The following SCAPER variants were observed in gnomAD, a reference collection of about 807,000 sequenced individuals.
SCAPER encodes S-phase cyclin A associated protein in the ER.
A neutral mutation model predicts 182.2 loss-of-function variants in SCAPER; 98 were observed. The observed-to-expected ratio is 0.54, with a 90% CI of 0.46 to 0.64. The LOEUF is 0.64. Among genes scored for constraint, SCAPER ranks in the 30% least tolerant of loss-of-function variants. The pLI is 0.00. For synonymous variants in SCAPER, 605 were observed against 564.6 expected (o/e 1.07, Z -1.01); for missense variants, 1,432 against 1,690.0 (o/e 0.85, Z 2.68).
At chr15:76,508,025 T>C (rs1333563280) in intron 23 of SCAPER, among the ~76,000 whole-genome samples, 1 of 152,162 alleles carries the variant, frequency 6.6e-6, no homozygotes, top group Non-Finnish European at 1.5e-5. Context: ...AACTCCAAAA[T>C]TAAAATACAA....
chr15:76,453,128 C>T (rs2048492774), intron 25 of SCAPER, among the ~76,000 whole-genome samples: 1 of 152,166 alleles, frequency 6.6e-6, no homozygotes, highest in South Asian at 2.1e-4. Context: ...GCTACTGAAC[C>T]CAGCTAAGAG....
At chr15:76,566,449 T>C (rs1055956903) in intron 23 of SCAPER, among the ~76,000 whole-genome samples, 10 of 152,236 alleles carry the variant, frequency 6.6e-5, no homozygotes, top group Middle Eastern at 3.4e-3. Context: ...GGAAAGGCAA[T>C]TGGACAAACT....
chr15:76,774,985 T>C lies in SCAPER; in HGVS notation c.905A>G (p.Asn302Ser). Reference protein sequence around the residue: ...TRSKDDSDKENVCLLPDESIQ... With the variant: ...TRSKDDSDKESVCLLPDESIQ... ...GCTTTCATCAGGTAAAAGACATACA[T>C]TTTCTTTATCACTGTCATCCTTTGA... The change falls in exon 9 of 32, where the codon AAT (asparagine) becomes AGT (serine). Residue 302 changes from asparagine to serine, a missense_variant. Physicochemically the swap from Asn to Ser is conservative, Grantham distance 46 (BLOSUM62 1). Coordinates refer to ENST00000563290, the MANE Select transcript of SCAPER (RefSeq NM_020843.4). The C allele has an allele frequency of 1.2e-6, 2 of 1,613,840 alleles. No homozygotes were observed. The highest frequency in any genetic ancestry group is 1.7e-6 in the Non-Finnish European group (2 of 1,179,792).
chr15:76,613,013 C>T (rs1346125257), intron 22 of SCAPER, among the ~76,000 whole-genome samples: 1 of 152,228 alleles, frequency 6.6e-6, no homozygotes, highest in Non-Finnish European at 1.5e-5. Context: ...AGCTACCTGA[C>T]TTCAAACTAT....
At position 76,733,574 on chromosome 15, in the gene SCAPER, C is replaced by T. The variant is rs188008917; in HGVS notation, c.1867-190G>A. The stretch of plus-strand genomic sequence containing the variant: ...GACCAGCCTAGCCAATATGGTGAAA[C>T]CCCATCTCTACTAAAAAAAAAAAAG... On this transcript the variant is annotated intron_variant, in intron 15 of 31. Transcript: ENST00000563290. 8.7e-3 allele frequency among the ~76,000 whole-genome samples: 1,317 copies of T among 151,496 alleles called. 8 individuals carry two copies. The highest frequency in any genetic ancestry group is 0.015 in the Non-Finnish European group (1,026 of 67,862).
intron 24 of SCAPER, among the ~76,000 whole-genome samples, chr15:76,492,070 C>A (rs2052375026): frequency 1.3e-5 from 2 of 152,156 alleles, no homozygotes; most frequent in African/African-American, 4.8e-5. Flanking sequence ...AGTGTCTATT[C>A]AAATCTTGTG....
chr15:76,562,965 A>T (rs1428097138), intron 23 of SCAPER, among the ~76,000 whole-genome samples: 2 of 152,228 alleles, frequency 1.3e-5, no homozygotes, highest in Non-Finnish European at 2.9e-5. Context: ...GAAGCCATCA[A>T]AATGCAGACA....
At chr15:76,509,493 T>A (rs2052798087) in intron 23 of SCAPER, among the ~76,000 whole-genome samples, 1 of 152,176 alleles carries the variant, frequency 6.6e-6, no homozygotes, top group African/African-American at 2.4e-5. Flanking sequence ...CCAAACTCTA[T>A]CGAATAAAAG....
At chr15:76,789,157 C>T (rs966508424) in intron 8 of SCAPER, among the ~76,000 whole-genome samples, 2 of 151,984 alleles carry the variant, frequency 1.3e-5, no homozygotes, top group African/African-American at 4.8e-5. Context: ...AGTCTGTGTT[C>T]AATTTTCATC....
intron 1 of SCAPER, among the ~76,000 whole-genome samples, chr15:76,887,928 C>T (rs1419247142): frequency 1.3e-5 from 2 of 152,150 alleles, no homozygotes; most frequent in African/African-American, 4.8e-5. Flanking sequence ...CTCATACAGG[C>T]AAGGGTCCCT....
chr15:76,445,333 A>T (rs1039705143), intron 25 of SCAPER, among the ~76,000 whole-genome samples: 2 of 152,180 alleles, frequency 1.3e-5, no homozygotes, highest in African/African-American at 2.4e-5. Flanking sequence ...GAATTGTAAC[A>T]TCTGTTGTCT....
chr15:76,672,304 A>C (rs879162563), intron 20 of SCAPER, among the ~76,000 whole-genome samples: 2 of 152,238 alleles, frequency 1.3e-5, no homozygotes, highest in South Asian at 4.1e-4. Flanking sequence ...TTCCATGTAA[A>C]AATTTGCAAG....
In SCAPER at chr15:76,354,015, G is replaced by A. The variant is rs774619387; in HGVS notation, c.3981C>T (p.Asn1327=). The A allele has an allele frequency of 1.2e-6, 2 of 1,606,890 alleles. No individual in the cohort carries two copies. Among genetic ancestry groups the A allele is most frequent in the Non-Finnish European group, 1.7e-6 (2 of 1,177,988 alleles). Residue 1327 remains asparagine (N), a synonymous_variant, in exon 30 of 32, where the codon AAC becomes AAT. Transcript: ENST00000563290. The surrounding 1 kb of genome is among the most constrained non-coding windows in gnomAD (Gnocchi z 4.4). ...LFPSLIAACY[N]NHQNKIILEQ... ...CCAGAATGATCTTGTTCTGATGGTT[G>A]TTGTAACAAGCAGCGATAAGTGAAG...
At chr15:76,402,468 A>AT (rs1171960287) in intron 27 of SCAPER, among the ~76,000 whole-genome samples, 4 of 151,978 alleles carry the variant, frequency 2.6e-5, no homozygotes, top group Non-Finnish European at 4.4e-5. Context: ...TTCTCAACTG[A>AT]TTTTTTTCCT....
chr15:76,417,664 A>T (rs1007958778), intron 26 of SCAPER, among the ~76,000 whole-genome samples: 27 of 152,206 alleles, frequency 1.8e-4, no homozygotes, highest in African/African-American at 6.5e-4. Context: ...TCTGGTGGCC[A>T]GGAAAGTGCT....
chr15:76,789,008 T>A (rs763198920), intron 8 of SCAPER, among the ~76,000 whole-genome samples: 5 of 152,160 alleles, frequency 3.3e-5, no homozygotes, highest in Non-Finnish European at 7.3e-5. Flanking sequence ...TCCCCATTAT[T>A]TTTTCTGAAA....
intron 5 of SCAPER, among the ~76,000 whole-genome samples, chr15:76,834,341 C>G (rs1468688479): frequency 6.6e-6 from 1 of 152,086 alleles, no homozygotes; most frequent in Non-Finnish European, 1.5e-5. Flanking sequence ...TTGGACACAG[C>G]TACAGCAATA....
chr15:76,653,916 G>A (rs1296608091), intron 21 of SCAPER, among the ~76,000 whole-genome samples: 1 of 152,070 alleles, frequency 6.6e-6, no homozygotes, highest in Non-Finnish European at 1.5e-5. Flanking sequence ...GCCGAGCAAA[G>A]AGACAACAAA....
intron 20 of SCAPER, among the ~76,000 whole-genome samples, chr15:76,666,218 T>A (rs2056565281): frequency 6.6e-6 from 1 of 152,164 alleles, no homozygotes; most frequent in African/African-American, 2.4e-5. Flanking sequence ...ATATCTGCTA[T>A]CCCTTGAAGA....
Sources: allele counts gnomAD v4.1 joint callset (sites outside exome capture counted in the v4.1 genomes callset), GRCh38; gene constraint gnomAD v4.1.1; non-coding constraint Gnocchi (gnomAD v3.1); transcripts MANE v1.5; gene names NCBI Gene and HGNC (gene_info 2026-07-23, HGNC 2026-07-21).